Variants in CACNA1G observed in about 807,000 individuals in gnomAD.
The protein encoded by CACNA1G is voltage-dependent T-type calcium channel subunit alpha-1G.
Under a neutral mutation model 219.4 loss-of-function variants are expected in CACNA1G, and 67 were observed. The observed-to-expected ratio is 0.31, with a 90% CI of 0.25 to 0.37. The LOEUF (loss-of-function observed/expected upper bound fraction) is 0.37. CACNA1G is among the 10% of genes least tolerant of loss of function. The pLI, the probability that CACNA1G is intolerant of heterozygous loss-of-function variation, is 1.00. For missense variants in CACNA1G, 2,380 were observed against 3,231.4 expected, an observed-to-expected ratio of 0.74 and a Z score of 6.39; for synonymous variants, 1,296 against 1,345.3, an observed-to-expected ratio of 0.96 and a Z score of 0.80.
At chr17:50,564,517 A>AG (rs1274592279) in intron 1 of CACNA1G, among the ~76,000 whole-genome samples, 636 of 8,058 alleles carry the variant, frequency 0.079, 6 homozygotes, top group African/African-American at 0.21. Flanking sequence ...GGGGGAGGAG[A>AG]GGGGGGGGAG....
chr17:50,626,128 G>A lies in CACNA1G; in HGVS notation c.6511G>A (p.Gly2171Ser), dbSNP rs764086597. 36 of 1,613,588 alleles carry A rather than the reference G, an allele frequency of 2.2e-5. No homozygotes were observed. The highest frequency in any genetic ancestry group is 4.0e-5 in the African/African-American group (3 of 74,904). ...PPLARAYSFW[G>S]QSSTQAQQHS... ...CCTGGCCCGGGCCTACTCTTTCTGG[G>A]GCCAGTCAAGTACCCAGGCACAGCA... The change falls in exon 38 of 38, where the codon GGC (glycine) becomes AGC (serine). Residue 2171 changes from glycine to serine, a missense_variant. Gly to Ser is a moderately conservative substitution (Grantham distance 56). Transcript: ENST00000359106. This position sits in a 1 kb window ranked among gnomAD's most constrained non-coding sequence, Gnocchi z 4.3.
chr17:50,622,174 TCCCCA>T (rs1250952298), intron 35 of CACNA1G, among the ~76,000 whole-genome samples: 1 of 49,998 alleles, frequency 2.0e-5, no homozygotes, highest in Non-Finnish European at 4.2e-5. Context: ...GTTCCCCTCC[TCCCCA>T]CCCCACCCCA....
chr17:50,621,266 T>A lies in CACNA1G; in HGVS notation c.5926-394T>A, dbSNP rs562685046. ...CAGTGCTTTGCTGGCCTTTCTTCAT[T>A]TTTTTTTTTTTTGGTATCATCTTTT... On this transcript the variant is annotated intron_variant, in intron 34 of 37. Coordinates refer to ENST00000359106, the MANE Select transcript of CACNA1G (RefSeq NM_018896.5). The surrounding 1 kb of genome is among the most constrained non-coding windows in gnomAD (Gnocchi z 4.6). Among the ~76,000 whole-genome samples the A allele has an allele frequency of 2.0e-5, 3 of 147,672 alleles. No homozygotes were observed. The highest frequency in any genetic ancestry group is 7.4e-5 in the African/African-American group (3 of 40,698).
At chr17:50,624,199 GC>G in intron 36 of CACNA1G, 124 bp downstream of exon 36, 1 of 1,315,138 alleles carries the variant, frequency 7.6e-7, no homozygotes, top group East Asian at 2.4e-5. Context: ...CCTCAGGGGA[GC>G]CTCCAGCCTG....
chr17:50,586,845 T>C (rs1405961414), intron 9 of CACNA1G, among the ~76,000 whole-genome samples: 1 of 152,204 alleles, frequency 6.6e-6, no homozygotes, highest in East Asian at 1.9e-4. Flanking sequence ...TGGGAAGTAC[T>C]GAGCAGCTTA....
chr17:50,588,229 G>A (rs986488872), intron 9 of CACNA1G, among the ~76,000 whole-genome samples: 5 of 152,006 alleles, frequency 3.3e-5, no homozygotes, highest in Admixed American at 6.6e-5. Context: ...CCAGTCCACC[G>A]TGTATCTGGA....
intron 9 of CACNA1G, among the ~76,000 whole-genome samples, chr17:50,581,639 C>T (rs2041991086): frequency 6.6e-6 from 1 of 152,240 alleles, no homozygotes; most frequent in Non-Finnish European, 1.5e-5. Flanking sequence ...TCCTCTGTCT[C>T]CTGCTTCCTC....
At chr17:50,589,739 C>T (rs1427232992) in intron 9 of CACNA1G, among the ~76,000 whole-genome samples, 2 of 152,140 alleles carry the variant, frequency 1.3e-5, no homozygotes, top group Non-Finnish European at 2.9e-5. Context: ...CTGAAGGTCA[C>T]AGAGTGAGTG....
chr17:50,563,594 G>A (rs1325547884), intron 1 of CACNA1G: 1 of 152,292 alleles, frequency 6.6e-6, no homozygotes, highest in African/African-American at 2.4e-5. Flanking sequence ...ATCTCCAGGT[G>A]CTAGTGGAGG....
At position 50,619,803 on chromosome 17, in the gene CACNA1G, A is replaced by T. The variant is rs751865150; in HGVS notation, c.5902A>T (p.Ser1968Cys). Residue 1968 changes from serine to cysteine, a missense_variant, in exon 34 of 38, where the codon AGC (serine) becomes TGC (cysteine). Transcript: ENST00000359106. The stretch of plus-strand genomic sequence containing the variant: ...GCCCTCTGCCTTCCCTTCTGCCCCC[A>T]GCCTGGGAGGCTCCGACCCACAGGT... ...GQPSAFPSAP[S>C]LGGSDPQIPL... is the part of the protein sequence containing the mutation. 8.1e-6 allele frequency: 13 copies of T among 1,606,184 alleles called. No individual in the cohort carries two copies. The Middle Eastern group carries it at 8.2e-4, about 102-fold the overall frequency.
chr17:50,594,774 C>T (rs2045152918), intron 13 of CACNA1G, among the ~76,000 whole-genome samples: 1 of 152,178 alleles, frequency 6.6e-6, no homozygotes, highest in Non-Finnish European at 1.5e-5. Flanking sequence ...TTGGCCTCTG[C>T]ACTCACCCTT....
In CACNA1G at chr17:50,600,935, G is replaced by A. The variant is rs1173507269; in HGVS notation, c.3791+109G>A. 6.4e-6 allele frequency: 10 copies of A among 1,553,618 alleles called. No individual in the cohort carries two copies. Among genetic ancestry groups the A allele is most frequent in the Middle Eastern group, 1.7e-4 (1 of 5,964 alleles). ...TGAGAAGTGGCACCCTGCCTGGGGT[G>A]TGAGCAGGGTGGCCTCAGCTGGGAG... On this transcript the variant is annotated intron_variant, in intron 18 of 37. Transcript: ENST00000359106. This position sits in a 1 kb window ranked among gnomAD's most constrained non-coding sequence, Gnocchi z 4.1.
chr17:50,591,660 C>A, intron 11 of CACNA1G, 40 bp downstream of exon 11: 1 of 1,610,112 alleles, frequency 6.2e-7, no homozygotes, highest in Non-Finnish European at 8.5e-7. Flanking sequence ...AGAGACCGGC[C>A]AGGCTGGGGG....
At chr17:50,606,096 C>A in intron 23 of CACNA1G, 73 bp downstream of exon 23, 1 of 1,587,302 alleles carries the variant, frequency 6.3e-7, no homozygotes, top group Non-Finnish European at 8.7e-7. Context: ...CTTAGTGATA[C>A]CTGCTGACTC....
intron 9 of CACNA1G, among the ~76,000 whole-genome samples, chr17:50,582,730 G>A (rs1184545377): frequency 6.6e-6 from 1 of 152,038 alleles, no homozygotes; most frequent in Non-Finnish European, 1.5e-5. Context: ...GGGGACAGGT[G>A]CTAGTCTAAT....
At chr17:50,564,266 T>C (rs1173268058) in intron 1 of CACNA1G, among the ~76,000 whole-genome samples, 2 of 151,734 alleles carry the variant, frequency 1.3e-5, no homozygotes, top group East Asian at 1.9e-4. Context: ...GGGAGCATGC[T>C]GGCCTTTCCA....
rs555994696 is a variant in CACNA1G, at chr17:50,616,283, T to C, written c.4920T>C (p.Asp1640=). 63 of 1,610,320 alleles carry C rather than the reference T, an allele frequency of 3.9e-5. No individual in the cohort carries two copies. Among genetic ancestry groups the C allele is most frequent in the Non-Finnish European group, 5.2e-5 (61 of 1,176,570 alleles). ...MEHYQQPQIL[D]EALKICNYIF... ...GCCCCCATCCCTGCCAGATTCTGGA[T>C]GAGGCTCTGAAGATCTGCAACTACA... The change falls in exon 28 of 38, where the codon GAT becomes GAC. Residue 1640 remains aspartate (D), a synonymous_variant. Transcript: ENST00000359106.
Position 50,571,847 on chromosome 17 carries a change from G to T in CACNA1G, c.587-31G>T. The T allele has an allele frequency of 1.2e-6, 2 of 1,610,744 alleles. No individual in the cohort carries two copies. The highest frequency in any genetic ancestry group is 1.7e-4 in the Middle Eastern group (1 of 6,050). ...GCAGTCAGCCTAGCCCGGCCAGCCT[G>T]GTGTCCCCAGCGTGGCTTCTGCCCC... On this transcript the variant is annotated intron_variant, in intron 4 of 37. Coordinates refer to ENST00000359106, the MANE Select transcript of CACNA1G (RefSeq NM_018896.5). This position sits in a 1 kb window ranked among gnomAD's most constrained non-coding sequence, Gnocchi z 4.3.
rs751337755 is a variant in CACNA1G, at chr17:50,579,822, A to G, written c.2301+1258A>G. Among the ~76,000 whole-genome samples the G allele has an allele frequency of 4.6e-5, 7 of 152,270 alleles. No homozygotes were observed. The East Asian group carries it at 5.8e-4, about 13-fold the overall frequency. ...AGCACCCTGTGAAAGGGGCATCTCA[A>G]AAAGGTGGTACAGGCAGGGTGGTAC... On this transcript the variant is annotated intron_variant, in intron 9 of 37. Coordinates refer to ENST00000359106, the MANE Select transcript of CACNA1G (RefSeq NM_018896.5).
Sources: allele counts gnomAD v4.1 joint callset (sites outside exome capture counted in the v4.1 genomes callset), GRCh38; gene constraint gnomAD v4.1.1; non-coding constraint Gnocchi (gnomAD v3.1); transcripts MANE v1.5; gene names NCBI Gene and HGNC (gene_info 2026-07-23, HGNC 2026-07-21).